Variants in USP26 observed in about 807,000 individuals in gnomAD.
USP26 encodes ubiquitin carboxyl-terminal hydrolase 26.
For synonymous variants in USP26, 236 were observed against 240.6 expected (o/e 0.98, Z 0.18); for missense variants, 649 against 642.3 (o/e 1.01, Z -0.11).
chrX:133,071,813 C>T (rs1391075220), intron 5 of USP26, among the ~76,000 whole-genome samples: 1 of 111,037 alleles, frequency 9.0e-6, no homozygotes, highest in Non-Finnish European at 1.9e-5. Flanking sequence ...TGTGCATTCC[C>T]TTCATTGCCT....
intron 5 of USP26, among the ~76,000 whole-genome samples, chrX:133,040,600 C>G (rs1406771289): frequency 9.0e-6 from 1 of 111,493 alleles, no homozygotes; most frequent in African/African-American, 3.3e-5. Flanking sequence ...ATGACCTGAC[C>G]TTTCTCTCTG....
At chrX:133,050,838 C>T (rs2067456732) in intron 5 of USP26, among the ~76,000 whole-genome samples, 1 of 111,841 alleles carries the variant, frequency 8.9e-6, no homozygotes, top group Admixed American at 9.5e-5. Context: ...ACTATATCCA[C>T]ACTGTTAATA....
intron 5 of USP26, among the ~76,000 whole-genome samples, chrX:133,053,776 G>T (rs1480497649): frequency 3.6e-5 from 4 of 111,399 alleles, no homozygotes; most frequent in Non-Finnish European, 5.7e-5. Flanking sequence ...GGTGATGATG[G>T]GATATAAGAG....
chrX:133,032,264 G>T (rs1431815645), intron 5 of USP26, among the ~76,000 whole-genome samples: 1 of 111,753 alleles, frequency 8.9e-6, no homozygotes, highest in Non-Finnish European at 1.9e-5. Context: ...GGGATGTGCT[G>T]CCTTATATAG....
chrX:133,096,308 C>G (rs2067630335), intron 1 of USP26, among the ~76,000 whole-genome samples: 1 of 110,017 alleles, frequency 9.1e-6, no homozygotes, highest in Admixed American at 9.8e-5. Flanking sequence ...AAATTCACAA[C>G]TATACTGTAT....
In USP26 at chrX:133,027,431, A is replaced by C. The variant is rs139176700; in HGVS notation, c.790T>G (p.Leu264Val). 1.7e-6 allele frequency: 2 copies of C among 1,211,326 alleles called. No individual in the cohort carries two copies. The highest frequency in any genetic ancestry group is 3.0e-5 in the East Asian group (1 of 33,848). ...TACCCTTGTTGTAACAGAAATACCA[A>C]AACCATTTTCTCAGTGAGAGCTTGG... The part of the protein sequence containing the change: ...LLQALTEKMV[L>V]VFLLQQGYSD... The change falls in exon 6 of 6, where the codon TTG becomes GTG. Residue 264 changes from leucine (L) to valine (V), a missense_variant. By Grantham distance (32) the Leu-to-Val change is conservative. Coordinates refer to ENST00000511190, the MANE Select transcript of USP26 (RefSeq NM_031907.3).
At chrX:133,054,349 T>G (rs1029452787) in intron 5 of USP26, among the ~76,000 whole-genome samples, 2 of 111,153 alleles carry the variant, frequency 1.8e-5, no homozygotes, top group African/African-American at 6.5e-5. Flanking sequence ...CCTCCTGAGT[T>G]TTAATGATGC....
chrX:133,045,627 G>A (rs1345761709), intron 5 of USP26, among the ~76,000 whole-genome samples: 2 of 110,901 alleles, frequency 1.8e-5, no homozygotes, highest in African/African-American at 3.3e-5. Flanking sequence ...AACTCCAGAC[G>A]GGCCGCCTTA....
chrX:133,049,317 C>G (rs1372738191), intron 5 of USP26, among the ~76,000 whole-genome samples: 1 of 111,784 alleles, frequency 8.9e-6, no homozygotes, highest in Non-Finnish European at 1.9e-5. Context: ...ATTACTTGTT[C>G]AAGGGCACAA....
In USP26 at chrX:133,026,044, A is replaced by G. The variant is rs2067346132; in HGVS notation, c.2177T>C (p.Ile726Thr). ...TTTTTGGAATCTTTCTGGAATTCTGATATTTTTATCTTCATACAAATCTTT... is the reference window on the plus strand; with the variant it reads ...TTTTTGGAATCTTTCTGGAATTCTGGTATTTTTATCTTCATACAAATCTTT... ...PTKDLYEDKN[I>T]RIPERFQKVS... Residue 726 changes from isoleucine (I) to threonine (T), a missense_variant, in exon 6 of 6, where the codon ATC becomes ACC. Physicochemically the swap from Ile to Thr is moderately conservative, Grantham distance 89. Coordinates refer to ENST00000511190, the MANE Select transcript of USP26 (RefSeq NM_031907.3). 2.5e-6 allele frequency: 3 copies of G among 1,210,193 alleles called. No homozygotes were observed. The highest frequency in any genetic ancestry group is 3.4e-6 in the Non-Finnish European group (3 of 894,510).
chrX:133,028,209 T>C lies in USP26; in HGVS notation c.12A>G (p.Leu4=), dbSNP rs1213586481. 8.3e-7 allele frequency: 1 copy of C among 1,209,538 alleles called. No individual in the cohort carries two copies. Among genetic ancestry groups the C allele is most frequent in the South Asian group, 1.8e-5 (1 of 56,919 alleles). The change falls in exon 6 of 6, where the codon CTA becomes CTG. Residue 4 remains leucine, a synonymous_variant. Transcript: ENST00000511190. ...CTATTTGGACAAAACCACGTAGGAA[T>C]AGGGCAGCCATGTTTTCTTTACAAA... MAA[L]FLRGFVQIGN... is the part of the protein sequence containing the mutation.
chrX:133,032,089 C>T (rs1208165440), intron 5 of USP26, among the ~76,000 whole-genome samples: 2 of 111,377 alleles, frequency 1.8e-5, no homozygotes, highest in Admixed American at 9.6e-5. Context: ...ACGGAGGTTG[C>T]AGTGCGCCGA....
chrX:133,027,501 G>C lies in USP26; in HGVS notation c.720C>G (p.Ile240Met). The C allele has an allele frequency of 8.3e-7, 1 of 1,210,569 alleles. No individual in the cohort carries two copies. The highest frequency in any genetic ancestry group is 1.1e-6 in the Non-Finnish European group (1 of 894,866). ...GGTAAGGATTTCCAGTGGCGTTCAT[G>C]ATGCATGAAGATTCACATTCCAATT... Reference protein sequence around the residue: ...NKKLECESSCIMNATGNPYLD... With the variant: ...NKKLECESSCMMNATGNPYLD... The change falls in exon 6 of 6, where the codon ATC becomes ATG. Residue 240 changes from isoleucine (I) to methionine (M), a missense_variant. Ile to Met is a conservative substitution (Grantham distance 10). Transcript: ENST00000511190.
At chrX:133,088,808 G>A (rs1367706476) in intron 4 of USP26, among the ~76,000 whole-genome samples, 1 of 112,124 alleles carries the variant, frequency 8.9e-6, no homozygotes, top group Non-Finnish European at 1.9e-5. Context: ...GAACAAGTGT[G>A]TGCAAAAGGA....
At position 133,025,470 on chromosome X, in the gene USP26, A is replaced by G. The variant is rs1238783452; in HGVS notation, c.*9T>C. The stretch of plus-strand genomic sequence containing the variant: ...CAGGCAGATCTGTACAAGGAGGAGT[A>G]CGTTCCTCTTATTCCTTCTGAAGGG... On this transcript the variant is annotated 3_prime_UTR_variant, in exon 6 of 6. Transcript: ENST00000511190. 1.2e-5 allele frequency: 14 copies of G among 1,210,854 alleles called. No individual in the cohort carries two copies. The highest frequency in any genetic ancestry group is 1.5e-5 in the Non-Finnish European group (13 of 895,287).
chrX:133,030,458 T>G (rs1164911679), intron 5 of USP26, among the ~76,000 whole-genome samples: 1 of 112,600 alleles, frequency 8.9e-6, no homozygotes, highest in Non-Finnish European at 1.9e-5. Context: ...CTGCATATTA[T>G]GATTTGCTGA....
chrX:133,063,652 T>C (rs1186539826), intron 5 of USP26, among the ~76,000 whole-genome samples: 1 of 111,259 alleles, frequency 9.0e-6, no homozygotes, highest in African/African-American at 3.3e-5. Context: ...GAGGGAGAAA[T>C]AAAAACCCTT....
In USP26 at chrX:133,027,641, A is replaced by G; in HGVS notation, c.580T>C (p.Phe194Leu). 8.3e-7 allele frequency: 1 copy of G among 1,210,456 alleles called. No homozygotes were observed. Among genetic ancestry groups the G allele is most frequent in the Non-Finnish European group, 1.1e-6 (1 of 894,590 alleles). Reference sequence around the variant, plus strand: ...TCTACAGAATTATTTTCTTTCAAGAATTCCTCATTCATCTCTGAGCTAGAT... The same window carrying G: ...TCTACAGAATTATTTTCTTTCAAGAGTTCCTCATTCATCTCTGAGCTAGAT... ...LSSSSEMNEE[F>L]LKENNSVEYK... is the part of the protein sequence containing the mutation. Residue 194 changes from phenylalanine to leucine, a missense_variant, in exon 6 of 6, where the codon TTC (phenylalanine) becomes CTC (leucine). Phe to Leu is a conservative substitution (Grantham distance 22, BLOSUM62 0). Coordinates refer to ENST00000511190, the MANE Select transcript of USP26 (RefSeq NM_031907.3).
intron 5 of USP26, among the ~76,000 whole-genome samples, chrX:133,077,215 ATTAAG>A (rs1333369383): frequency 8.9e-6 from 1 of 112,194 alleles, no homozygotes; most frequent in African/African-American, 3.2e-5. Flanking sequence ...ACACCTGACT[ATTAAG>A]TTAAGAGAAC....
Sources: allele counts gnomAD v4.1 joint callset (sites outside exome capture counted in the v4.1 genomes callset), GRCh38; gene constraint gnomAD v4.1.1; transcripts MANE v1.5; gene names NCBI Gene and HGNC (gene_info 2026-07-23, HGNC 2026-07-21).